Variants in USP42 observed in about 807,000 individuals in gnomAD.
USP42 encodes the protein ubiquitin carboxyl-terminal hydrolase 42.
In USP42, 23 loss-of-function variants were observed where a neutral mutation model predicts 113.0. The ratio of observed to expected loss-of-function variants is 0.20; its 90% confidence interval spans 0.15 to 0.29. The LOEUF is 0.29. Among genes scored for constraint, USP42 ranks in the 10% least tolerant of loss-of-function variants. The pLI is 1.00. For missense variants in USP42, 2,174 were observed against 1,779.8 expected (o/e 1.22, Z -3.99); for synonymous variants, 933 against 699.0 (o/e 1.33, Z -5.28).
the USP42 span, among the ~76,000 whole-genome samples, chr7:6,099,590 C>T: frequency 6.6e-6 from 1 of 150,586 alleles, no homozygotes; most frequent in Non-Finnish European, 1.5e-5. Context: ...TCAGGTGATC[C>T]ACCTGCCTCA....
Position 6,155,062 on chromosome 7 carries a change from A to G in USP42, c.3508A>G (p.Ser1170Gly), listed in dbSNP as rs1479452831. Residue 1170 changes from serine to glycine, a missense_variant, in exon 15 of 18, where the codon AGT becomes GGT. Ser to Gly is a moderately conservative substitution (Grantham distance 56, BLOSUM62 0). Coordinates refer to ENST00000306177, the MANE Select transcript of USP42 (RefSeq NM_032172.3). ...ACGGAGACACGACAGTGTGGAGAACAGTGACAGTCATGTTGAAAAGAAAGC... is the reference window on the plus strand; with the variant it reads ...ACGGAGACACGACAGTGTGGAGAACGGTGACAGTCATGTTGAAAAGAAAGC... ...RKRRHDSVEN[S>G]DSHVEKKARR... The G allele has an allele frequency of 1.3e-6, 2 of 1,563,510 alleles. No individual in the cohort carries two copies. The highest frequency in any genetic ancestry group is 1.7e-6 in the Non-Finnish European group (2 of 1,153,970).
chr7:6,149,361 T>A (rs1163903316), intron 12 of USP42, among the ~76,000 whole-genome samples: 1 of 152,134 alleles, frequency 6.6e-6, no homozygotes, highest in Non-Finnish European at 1.5e-5. Flanking sequence ...GTGAAACATG[T>A]ATGTCCTGTT....
At chr7:6,103,129 A>G (rs1790180971), upstream of USP42, among the ~76,000 whole-genome samples, 1 of 151,076 alleles carries the variant, frequency 6.6e-6, no homozygotes, top group African/African-American at 2.5e-5. Context: ...GGAGATGCAG[A>G]GATGAACTAG....
chr7:6,097,295 T>C, the USP42 span, among the ~76,000 whole-genome samples: 4 of 150,970 alleles, frequency 2.6e-5, no homozygotes, highest in African/African-American at 9.9e-5. Context: ...TAGCATGCAT[T>C]TTAGCATGTC....
At chr7:6,125,328 A>G (rs1054233188) in intron 3 of USP42, among the ~76,000 whole-genome samples, 1 of 152,096 alleles carries the variant, frequency 6.6e-6, no homozygotes, top group Non-Finnish European at 1.5e-5. Context: ...GTCTCTACTA[A>G]AAATACAAAA....
Position 6,104,978 on chromosome 7 carries a change from T to TGCG in USP42, c.-46_-44dup, listed in dbSNP as rs1044224426. 7.5e-4 allele frequency: 114 copies of TGCG among 152,276 alleles called. 1 individual carries two copies. The highest frequency in any genetic ancestry group is 1.6e-3 in the African/African-American group (66 of 40,368). 9.4% of individuals were successfully genotyped at this position (152,276 alleles called of 1,614,324 possible). ...TCCCCCGCCGGGCGGCTGGGCTGTG[T>TGCG]GCGGCGGCGGCGGCGGCGGCCGAGG... is the stretch of plus-strand genomic sequence containing the variant. On this transcript the variant is annotated 5_prime_UTR_variant, in exon 1 of 18. Coordinates refer to ENST00000306177, the MANE Select transcript of USP42 (RefSeq NM_032172.3).
At chr7:6,118,303 C>G (rs544503734) in intron 3 of USP42, among the ~76,000 whole-genome samples, 2 of 152,056 alleles carry the variant, frequency 1.3e-5, no homozygotes, top group African/African-American at 4.8e-5. Context: ...GGGTGGCTCA[C>G]TTGAGTTCAG....
At chr7:6,138,943 A>G (rs1781303181) in intron 4 of USP42, 149 bp from the exon 5 acceptor site, 1 of 559,292 alleles carries the variant, frequency 1.8e-6, no homozygotes, top group African/African-American at 1.9e-5. Context: ...TATAGCTTAT[A>G]TTAGTGGCTT....
intron 3 of USP42, among the ~76,000 whole-genome samples, chr7:6,116,045 A>G (rs1779893034): frequency 6.7e-6 from 1 of 149,992 alleles, no homozygotes; most frequent in South Asian, 2.2e-4. Context: ...TTGAGACTGC[A>G]GTGAGCTGTG....
Position 6,154,617 on chromosome 7 carries a change from C to T in USP42, c.3063C>T (p.His1021=), listed in dbSNP as rs1782307165. The T allele has an allele frequency of 1.9e-6, 3 of 1,595,742 alleles. No individual in the cohort carries two copies. The highest frequency in any genetic ancestry group is 1.1e-5 in the South Asian group (1 of 87,948). Residue 1021 remains histidine, a synonymous_variant, in exon 15 of 18, where the codon CAC becomes CAT. Transcript: ENST00000306177. Reference sequence around the variant, plus strand: ...CTCTGGGCAGGTGCAGTCACCACCACTCCCGACACCGGAGCGGGGTGGAGC... The same window carrying T: ...CTCTGGGCAGGTGCAGTCACCACCATTCCCGACACCGGAGCGGGGTGGAGC... ...RRSLGRCSHH[H]SRHRSGVELD...
At chr7:6,088,137 G>A in the USP42 span, among the ~76,000 whole-genome samples, 213 of 151,222 alleles carry the variant, frequency 1.4e-3, 15 homozygotes, top group African/African-American at 4.8e-3. Flanking sequence ...TTGTCTCTAC[G>A]AAGTATTTAA....
At chr7:6,105,826 C>T (rs774293860) in intron 1 of USP42, among the ~76,000 whole-genome samples, 12 of 152,312 alleles carry the variant, frequency 7.9e-5, no homozygotes, top group Non-Finnish European at 1.3e-4. Flanking sequence ...AGGACTTTAA[C>T]CCCTCTCACA....
rs1562861679 is a variant in USP42 at position 6,156,817 on chromosome 7, A to G, written c.3705A>G (p.Lys1235=). The G allele has an allele frequency of 2.5e-6, 4 of 1,607,746 alleles. No homozygotes were observed. The South Asian group carries it at 4.4e-5, about 18-fold the overall frequency. ...ACGCTGACCTCCACAGACACAAAAA[A>G]AAGAAGAAGAAAAAGAAGAGACATT... ...CSDADLHRHK[K]KKKKKKRHSR... The change falls in exon 16 of 18, where the codon AAA becomes AAG. Residue 1235 remains lysine (K), a synonymous_variant. Coordinates refer to ENST00000306177, the MANE Select transcript of USP42 (RefSeq NM_032172.3).
chr7:6,150,791 C>A (rs1162701673), intron 14 of USP42, among the ~76,000 whole-genome samples: 1 of 152,206 alleles, frequency 6.6e-6, no homozygotes, highest in African/African-American at 2.4e-5. Context: ...GGCACGCCTT[C>A]AAGTGCCATC....
Position 6,156,698 on chromosome 7 carries a change from C to A in USP42, c.3642-56C>A. 3 of 1,478,874 alleles carry A rather than the reference C, an allele frequency of 2.0e-6. No homozygotes were observed. The South Asian group carries it at 4.4e-5, about 22-fold the overall frequency. 91.6% of individuals were successfully genotyped at this position (1,478,874 alleles called of 1,614,324 possible). A position where few individuals can be genotyped will look rare whatever the true frequency, so the allele number is the denominator to read the frequency against. ...GGGTGGAAAGGCCAAGCTCCAGGGT[C>A]TGCTGCTGGTGGTTTTGTGTTTTAG... On this transcript the variant is annotated intron_variant, in intron 15 of 17. Coordinates refer to ENST00000306177, the MANE Select transcript of USP42 (RefSeq NM_032172.3).
At chr7:6,130,990 G>C (rs1218661102) in intron 3 of USP42, among the ~76,000 whole-genome samples, 4 of 152,174 alleles carry the variant, frequency 2.6e-5, no homozygotes, top group African/African-American at 9.7e-5. Flanking sequence ...GTGTGGTCCA[G>C]AGTTGCCTGG....
chr7:6,152,186 A>G (rs1295674972), intron 14 of USP42, among the ~76,000 whole-genome samples: 1 of 152,216 alleles, frequency 6.6e-6, no homozygotes, highest in South Asian at 2.1e-4. Flanking sequence ...CGGTGCTTGC[A>G]TCTCTGCACA....
intron 3 of USP42, among the ~76,000 whole-genome samples, chr7:6,123,441 A>T (rs187861495): frequency 2.6e-4 from 39 of 152,286 alleles, no homozygotes; most frequent in Middle Eastern, 6.8e-3. Flanking sequence ...AGGCGAGCAG[A>T]TCACGAGCTC....
At chr7:6,121,129 C>A (rs1248256302) in intron 3 of USP42, among the ~76,000 whole-genome samples, 1 of 151,232 alleles carries the variant, frequency 6.6e-6, no homozygotes, top group African/African-American at 2.4e-5. Flanking sequence ...TGTGTAGGTT[C>A]TTTATTAATT....
Sources: gnomAD v4.1 joint callset for allele counts (sites outside exome capture counted in the v4.1 genomes callset) on GRCh38, gnomAD v4.1.1 for gene constraint, MANE v1.5 for transcripts, NCBI Gene and HGNC (gene_info 2026-07-23, HGNC 2026-07-21) for gene names.